MARCHF1: variants seen among roughly 807,000 people sequenced by gnomAD.
The protein encoded by MARCHF1 is membrane associated ring-CH-type finger 1.
Under a neutral mutation model 54.2 loss-of-function variants are expected in MARCHF1, and 40 were observed. The observed-to-expected ratio is 0.74, with a 90% CI of 0.57 to 0.96. The LOEUF (loss-of-function observed/expected upper bound fraction) is 0.96, where lower values mean the gene tolerates loss of function less well. Ranked by LOEUF, MARCHF1 falls within the 40% of genes least tolerant of loss-of-function variation. MARCHF1 has a pLI of 0.00. For missense variants in MARCHF1, 586 were observed against 656.5 expected (o/e 0.89, Z 1.17); for synonymous variants, 236 against 236.3 (o/e 1.00, Z 0.01).
At chr4:163,932,728 C>A (rs1452481981) in intron 3 of MARCHF1, 4 of 541,132 alleles carry the variant, frequency 7.4e-6, no homozygotes, top group African/African-American at 3.9e-5. Context: ...AAGACAGACA[C>A]CTCCGACAAG....
At chr4:163,929,955 T>TATTA (rs1246367522) in intron 3 of MARCHF1, among the ~76,000 whole-genome samples, 6 of 81,428 alleles carry the variant, frequency 7.4e-5, no homozygotes, top group African/African-American at 2.8e-4. Context: ...ATTATATATA[T>TATTA]TATATATAAT....
intron 3 of MARCHF1, among the ~76,000 whole-genome samples, chr4:163,870,247 A>T (rs7679333): frequency 0.065 from 9,832 of 152,196 alleles, 405 homozygotes; most frequent in Middle Eastern, 0.11. Flanking sequence ...TATTACATTT[A>T]AAGTGTCTAA....
At chr4:164,304,484 A>G (rs1456338106) in intron 1 of MARCHF1, among the ~76,000 whole-genome samples, 2 of 152,226 alleles carry the variant, frequency 1.3e-5, no homozygotes, top group African/African-American at 2.4e-5. Flanking sequence ...GAGTCAGAAT[A>G]TAGCACTACA....
chr4:164,254,710 G>A (rs2111253403), intron 1 of MARCHF1, among the ~76,000 whole-genome samples: 1 of 152,250 alleles, frequency 6.6e-6, no homozygotes, highest in South Asian at 2.1e-4. Context: ...AGGGCAGGAA[G>A]CATCCAGCAT....
chr4:164,322,151 T>G (rs1035503547), intron 1 of MARCHF1, among the ~76,000 whole-genome samples: 1 of 152,044 alleles, frequency 6.6e-6, no homozygotes, highest in Non-Finnish European at 1.5e-5. Flanking sequence ...TGGTTATCTA[T>G]GAAAGCAATA....
At chr4:164,102,531 G>A (rs2111161458) in intron 2 of MARCHF1, among the ~76,000 whole-genome samples, 1 of 150,224 alleles carries the variant, frequency 6.7e-6, no homozygotes, top group East Asian at 2.0e-4. Context: ...ATAAGTGAAG[G>A]AGAAATAAAA....
At chr4:164,307,095 G>A (rs1411836315) in intron 1 of MARCHF1, among the ~76,000 whole-genome samples, 2 of 151,994 alleles carry the variant, frequency 1.3e-5, no homozygotes, top group East Asian at 3.9e-4. Flanking sequence ...ATCTAAGATT[G>A]GGGGAACACA....
rs545841833 is a variant in MARCHF1 at position 163,895,716 on chromosome 4, G to C, written c.-38-41547C>G. Among the ~76,000 whole-genome samples, 20 of 152,236 alleles carry C rather than the reference G, an allele frequency of 1.3e-4. 1 individual carries two copies. The highest frequency in any genetic ancestry group is 4.8e-4 in the African/African-American group (20 of 41,550). ...ATCAGGTTTCACAGGGAAGGTGTGG[G>C]CATATTTGCTCTTAATCTTCTGATT... is the stretch of plus-strand genomic sequence containing the variant. On this transcript the variant is annotated intron_variant, in intron 3 of 9. Coordinates refer to ENST00000514618, the MANE Select transcript of MARCHF1 (RefSeq NM_001394959.1).
intron 4 of MARCHF1, chr4:163,829,041 A>G (rs1333808205): frequency 6.6e-6 from 1 of 152,264 alleles, no homozygotes; most frequent in Non-Finnish European, 1.5e-5. Flanking sequence ...TTGGCCAGCC[A>G]GGCTGAGCAT....
intron 1 of MARCHF1, among the ~76,000 whole-genome samples, chr4:164,193,078 T>C (rs976669560): frequency 6.6e-6 from 1 of 152,188 alleles, no homozygotes; most frequent in African/African-American, 2.4e-5. Context: ...AAACAGGATG[T>C]CTGTGGTCAG....
At chr4:163,663,627 T>C (rs1284056932) in intron 5 of MARCHF1, among the ~76,000 whole-genome samples, 1 of 152,068 alleles carries the variant, frequency 6.6e-6, no homozygotes, top group Non-Finnish European at 1.5e-5. Context: ...GATAAATGAC[T>C]AACCCAAGAG....
intron 5 of MARCHF1, among the ~76,000 whole-genome samples, chr4:163,698,965 T>G (rs1405544662): frequency 6.6e-6 from 1 of 152,176 alleles, no homozygotes; most frequent in Non-Finnish European, 1.5e-5. Flanking sequence ...AAAACCTCCT[T>G]CAGGTGACTG....
In MARCHF1 at chr4:163,960,497, C is replaced by G. The variant is rs76171625; in HGVS notation, c.-39+28004G>C. 4.8e-3 allele frequency among the ~76,000 whole-genome samples: 724 copies of G among 152,038 alleles called. 5 individuals carry two copies. Among genetic ancestry groups the G allele is most frequent in the African/African-American group, 0.017 (694 of 41,506 alleles). ...ACCATAAAAAAGAATGAGCTTGTGC[C>G]TTTTGAGGGAACATGGGTAGAACTG... On this transcript the variant is annotated intron_variant, in intron 3 of 9. Coordinates refer to ENST00000514618, the MANE Select transcript of MARCHF1 (RefSeq NM_001394959.1).
chr4:163,566,552 C>T (rs186945114), intron 8 of MARCHF1, among the ~76,000 whole-genome samples: 66 of 152,252 alleles, frequency 4.3e-4, no homozygotes, highest in African/African-American at 1.6e-3. Context: ...TTCCAACTGG[C>T]ATTTATTTTC....
intron 7 of MARCHF1, among the ~76,000 whole-genome samples, chr4:163,598,933 A>G (rs965598873): frequency 2.0e-5 from 3 of 152,232 alleles, no homozygotes; most frequent in Non-Finnish European, 4.4e-5. Flanking sequence ...ACAGAAATAA[A>G]TTGTTCGGCT....
chr4:163,888,061 G>C lies in MARCHF1; in HGVS notation c.-38-33892C>G, dbSNP rs1750577881. ...AGGAAAGTACTGACTTAAAAATTGT[G>C]AAAATAGGATGTCTGCGCTTTAAAA... is the stretch of plus-strand genomic sequence containing the variant. On this transcript the variant is annotated intron_variant, in intron 3 of 9. Coordinates refer to ENST00000514618, the MANE Select transcript of MARCHF1 (RefSeq NM_001394959.1). 1.3e-5 allele frequency among the ~76,000 whole-genome samples: 2 copies of C among 152,144 alleles called. 1 individual carries two copies. Among genetic ancestry groups the C allele is most frequent in the South Asian group, 4.1e-4 (2 of 4,834 alleles).
chr4:164,176,947 T>G lies in MARCHF1; in HGVS notation c.-322-65285A>C, dbSNP rs1301980596. 2.1e-3 allele frequency among the ~76,000 whole-genome samples: 32 copies of G among 15,542 alleles called. 1 individual carries two copies. Among genetic ancestry groups the G allele is most frequent in the Non-Finnish European group, 3.0e-3 (22 of 7,286 alleles). 10.2% of individuals were successfully genotyped at this position (15,542 alleles called of 152,430 possible). ...TTATCTGAGTACCTTGTGCGCTCTC[T>G]CTCTCTCTCTCTCTCTCTCTCTCTC... On this transcript the variant is annotated intron_variant, in intron 1 of 9. Coordinates refer to ENST00000514618, the MANE Select transcript of MARCHF1 (RefSeq NM_001394959.1).
At chr4:164,197,741 C>G in intron 1 of MARCHF1, 1 of 1,610,792 alleles carries the variant, frequency 6.2e-7, no homozygotes, top group Non-Finnish European at 8.5e-7. Context: ...CAGAGGCTCT[C>G]GTGCCAGCCG....
chr4:164,109,496 C>T (rs1755784167), intron 2 of MARCHF1, among the ~76,000 whole-genome samples: 1 of 151,952 alleles, frequency 6.6e-6, no homozygotes, highest in Non-Finnish European at 1.5e-5. Flanking sequence ...ATAATTATCT[C>T]ACTATGTCTT....
Sources: gnomAD v4.1 joint callset for allele counts (sites outside exome capture counted in the v4.1 genomes callset) on GRCh38, gnomAD v4.1.1 for gene constraint, MANE v1.5 for transcripts, NCBI Gene and HGNC (gene_info 2026-07-23, HGNC 2026-07-21) for gene names.